The following ABCA1 variants were observed in gnomAD, a reference collection of about 807,000 sequenced individuals.
ABCA1 encodes ATP binding cassette subfamily A member 1, also known as phospholipid-transporting ATPase ABCA1.
In ABCA1, 133 loss-of-function variants were observed where a neutral mutation model predicts 262.5. That is an observed-to-expected ratio of 0.51 (90% confidence interval 0.44 to 0.59). ABCA1 has a LOEUF of 0.59. Among genes scored for constraint, ABCA1 ranks in the 20% least tolerant of loss-of-function variants. The probability of loss-of-function intolerance (pLI) is 0.00; values close to 1 mark genes in which losing one functional copy is unlikely to be tolerated. For missense variants in ABCA1, 2,452 were observed against 2,777.5 expected (o/e 0.88, Z 2.63); for synonymous variants, 1,022 against 1,043.5 (o/e 0.98, Z 0.40).
Position 104,889,190 on chromosome 9 carries a change from C to A in ABCA1, c.72G>T (p.Gln24His). 3 of 1,614,064 alleles carry A rather than the reference C, an allele frequency of 1.9e-6. No homozygotes were observed. The highest frequency in any genetic ancestry group is 2.5e-6 in the Non-Finnish European group (3 of 1,179,952). The change falls in exon 3 of 50, where the codon CAG becomes CAT. Residue 24 changes from glutamine (Q) to histidine (H), a missense_variant. Gln to His is a conservative substitution (Grantham distance 24). Around this residue, in one of 4 missense-constraint regions of ABCA1, gnomAD observed 1,032 missense variants for 1,089.7 expected, o/e 0.95. Transcript: ENST00000374736. ...NLTFRRRQTCQLLLEVAWPLF... is the reference protein window; with the variant it reads ...NLTFRRRQTCHLLLEVAWPLF... Reference sequence around the variant, plus strand: ...GAGGCCAGGCCACTTCCAGCAGCAGCTGACACTGAGTGGGAAATAAGATAG... The same window carrying A: ...GAGGCCAGGCCACTTCCAGCAGCAGATGACACTGAGTGGGAAATAAGATAG...
intron 24 of ABCA1, 67 bp from the exon 25 acceptor site, chr9:104,816,412 T>G: frequency 2.1e-6 from 3 of 1,461,984 alleles, no homozygotes; most frequent in Non-Finnish European, 2.9e-6. Flanking sequence ...GGGCTGGCCA[T>G]CCCCCACCCT....
chr9:104,826,998 G>A lies in ABCA1; in HGVS notation c.2287C>T (p.Leu763=). 1.9e-6 allele frequency: 3 copies of A among 1,614,198 alleles called. No individual in the cohort carries two copies. Among genetic ancestry groups the A allele is most frequent in the Non-Finnish European group, 2.5e-6 (3 of 1,180,044 alleles). The change falls in exon 16 of 50, where the codon CTG becomes TTG. Residue 763 remains leucine (L), a synonymous_variant. Transcript: ENST00000374736. ...ACGTAGTCCTGCCATGCCACACACA[G>A]GACGTAGGGCAGGTACAGCGTGAAG... The part of the protein sequence containing the change: ...IYFTLYLPYV[L]CVAWQDYVGF...
At chr9:104,877,062 A>G (rs924441602) in intron 5 of ABCA1, among the ~76,000 whole-genome samples, 6 of 152,182 alleles carry the variant, frequency 3.9e-5, no homozygotes, top group Non-Finnish European at 5.9e-5. Context: ...AATAAAGTAA[A>G]TATTTTTAGC....
chr9:104,814,554 CTGA>C, intron 25 of ABCA1, 79 bp from the exon 26 acceptor site: 1 of 1,345,426 alleles, frequency 7.4e-7, no homozygotes, highest in Non-Finnish European at 1.1e-6. Flanking sequence ...TATTATATTA[CTGA>C]GTGGCATGTT....
Position 104,817,297 on chromosome 9 carries a change from G to A in ABCA1, c.3535+35C>T, listed in dbSNP as rs2118956397. 1.2e-6 allele frequency: 2 copies of A among 1,613,992 alleles called. No homozygotes were observed. Among genetic ancestry groups the A allele is most frequent in the Middle Eastern group, 1.7e-4 (1 of 6,044 alleles). On this transcript the variant is annotated intron_variant, in intron 24 of 49. Transcript: ENST00000374736. This position sits in a 1 kb window ranked among gnomAD's most constrained non-coding sequence, Gnocchi z 4.7. Reference sequence around the variant, plus strand: ...ACTCTGCCCAGCTGGGGGAAGCTCAGGCACCACCTGAATAAGAAACCCCAG... The same window carrying A: ...ACTCTGCCCAGCTGGGGGAAGCTCAAGCACCACCTGAATAAGAAACCCCAG...
At chr9:104,810,740 G>T (rs980249669) in intron 29 of ABCA1, 60 bp downstream of exon 29, 1 of 1,612,892 alleles carries the variant, frequency 6.2e-7, no homozygotes, top group African/African-American at 1.3e-5. Context: ...CTTGGCCCTC[G>T]TAAACATCTT....
chr9:104,822,505 G>A lies in ABCA1; in HGVS notation c.2819C>T (p.Thr940Met), dbSNP rs1832453675. The change falls in exon 19 of 50, where the codon ACG becomes ATG. Residue 940 changes from threonine to methionine, a missense_variant. This residue lies in a region of ABCA1 where 665 missense variants were observed against 727.3 expected (regional missense o/e 0.91). Coordinates refer to ENST00000374736, the MANE Select transcript of ABCA1 (RefSeq NM_005502.4). ...SFLGHNGAGK[T>M]TTMSILTGLF... ...CACACCCTCTTCTTACATGGTGGTCGTCTTCCCCGCTCCATTGTGGCCCAG... is the reference window on the plus strand; with the variant it reads ...CACACCCTCTTCTTACATGGTGGTCATCTTCCCCGCTCCATTGTGGCCCAG... 6.8e-6 allele frequency: 11 copies of A among 1,613,494 alleles called. No individual in the cohort carries two copies. The highest frequency in any genetic ancestry group is 2.2e-5 in the South Asian group (2 of 91,042).
chr9:104,879,310 T>C (rs1394372167), intron 5 of ABCA1, among the ~76,000 whole-genome samples: 1 of 152,144 alleles, frequency 6.6e-6, no homozygotes, highest in Non-Finnish European at 1.5e-5. Flanking sequence ...GATACTACAT[T>C]AGGTTTTATA....
rs575640368 is a variant in ABCA1, at chr9:104,826,806, A to C, written c.2337+142T>G. 4.0e-5 allele frequency: 32 copies of C among 808,564 alleles called. 1 individual carries two copies. The South Asian group carries it at 4.5e-4, about 11-fold the overall frequency. The allele number at this position is 808,564 out of a possible 1,614,324, so 50.1% of individuals were successfully genotyped here. ...AACACAATGCTTGCCCTTACCCTTA[A>C]AGAGCTTAGAATCTAGAGCTAAGGT... On this transcript the variant is annotated intron_variant, in intron 16 of 49. Coordinates refer to ENST00000374736, the MANE Select transcript of ABCA1 (RefSeq NM_005502.4).
chr9:104,926,254 T>C (rs1392828484), intron 1 of ABCA1, among the ~76,000 whole-genome samples: 2 of 152,278 alleles, frequency 1.3e-5, no homozygotes, highest in South Asian at 2.1e-4. Context: ...GCTAATGGTA[T>C]CAGTGCTGCA....
rs1183058566 is a variant in ABCA1 at position 104,792,694 on chromosome 9, C to T, written c.5757+92G>A. 1.0e-5 allele frequency: 16 copies of T among 1,549,426 alleles called. No homozygotes were observed. In the Middle Eastern group the frequency reaches 6.7e-4, roughly 65 times the overall value. ...AGATGTACATTTTGGGAACACATGC[C>T]CTTTTATTAAGCAAGTCAGCAAACT... On this transcript the variant is annotated intron_variant, in intron 42 of 49. Coordinates refer to ENST00000374736, the MANE Select transcript of ABCA1 (RefSeq NM_005502.4).
At chr9:104,807,010 G>A (rs542967472) in intron 30 of ABCA1, among the ~76,000 whole-genome samples, 35 of 152,278 alleles carry the variant, frequency 2.3e-4, no homozygotes, top group East Asian at 7.7e-4. Flanking sequence ...GAGCAAAAGC[G>A]ATGGCAAGTG....
intron 37 of ABCA1, among the ~76,000 whole-genome samples, chr9:104,797,140 G>C (rs1829969207): frequency 6.6e-6 from 1 of 152,204 alleles, no homozygotes; most frequent in Admixed American, 6.6e-5. Flanking sequence ...CTCTAAAGCA[G>C]GGAGGGACAG....
At chr9:104,824,703 G>A in intron 17 of ABCA1, 125 bp from the exon 18 acceptor site, 1 of 1,160,688 alleles carries the variant, frequency 8.6e-7, no homozygotes, top group Non-Finnish European at 1.3e-6. Flanking sequence ...ATGGATGTGG[G>A]GAAAGAGGGA....
chr9:104,922,204 C>A (rs1056349689), intron 1 of ABCA1, among the ~76,000 whole-genome samples: 1 of 152,052 alleles, frequency 6.6e-6, no homozygotes, highest in Non-Finnish European at 1.5e-5. Context: ...AACTGAAGGC[C>A]CCACCGGAAA....
At chr9:104,905,624 T>A (rs1412041708) in intron 1 of ABCA1, among the ~76,000 whole-genome samples, 1 of 152,242 alleles carries the variant, frequency 6.6e-6, no homozygotes, top group Non-Finnish European at 1.5e-5. Context: ...AGATGACAAC[T>A]GGCAGCACAG....
At chr9:104,911,542 C>G (rs1158671561) in intron 1 of ABCA1, among the ~76,000 whole-genome samples, 1 of 152,190 alleles carries the variant, frequency 6.6e-6, no homozygotes, top group Non-Finnish European at 1.5e-5. Context: ...TTCTCCCAGG[C>G]TGACCCATCA....
chr9:104,910,063 C>G (rs1191047131), intron 1 of ABCA1, among the ~76,000 whole-genome samples: 1 of 152,160 alleles, frequency 6.6e-6, no homozygotes, highest in Non-Finnish European at 1.5e-5. Context: ...AACACATGAG[C>G]TTTAGTGCTG....
chr9:104,864,223 T>C (rs559584759), intron 5 of ABCA1, among the ~76,000 whole-genome samples: 5 of 152,232 alleles, frequency 3.3e-5, no homozygotes, highest in African/African-American at 1.2e-4. Flanking sequence ...GTTCCAAAAG[T>C]ATCTGAGTAC....
Sources: allele counts gnomAD v4.1 joint callset (sites outside exome capture counted in the v4.1 genomes callset), GRCh38; gene constraint gnomAD v4.1.1; regional missense constraint gnomAD v4.1.1; non-coding constraint Gnocchi (gnomAD v3.1); transcripts MANE v1.5; gene names NCBI Gene and HGNC (gene_info 2026-07-23, HGNC 2026-07-21).